The following RASA3 variants were observed in gnomAD, a reference collection of about 807,000 sequenced individuals.
RASA3 encodes the protein ras GTPase-activating protein 3.
In RASA3, 73 loss-of-function variants were observed where a neutral mutation model predicts 110.0. The observed-to-expected ratio is 0.66, with a 90% CI of 0.55 to 0.81. The LOEUF (loss-of-function observed/expected upper bound fraction) is 0.81. RASA3 is among the 30% of genes least tolerant of loss of function. The probability of loss-of-function intolerance (pLI) is 0.00; values close to 1 mark genes in which losing one functional copy is unlikely to be tolerated. For synonymous variants in RASA3, 500 were observed against 451.4 expected (o/e 1.11, Z -1.37); for missense variants, 976 against 1,113.2 (o/e 0.88, Z 1.75).
At position 114,073,571 on chromosome 13, in the gene RASA3, T is replaced by C. The variant is rs532972642; in HGVS notation, c.173+149A>G. On this transcript the variant is annotated intron_variant, in intron 2 of 23. Coordinates refer to ENST00000334062, the MANE Select transcript of RASA3 (RefSeq NM_007368.4). ...GGGACATTGTCTACGCACAGAAAAATTCCCTACATGCGGGAAAACGGGATG... is the reference window on the plus strand; with the variant it reads ...GGGACATTGTCTACGCACAGAAAAACTCCCTACATGCGGGAAAACGGGATG... 8.5e-6 allele frequency: 6 copies of C among 703,986 alleles called. No homozygotes were observed. In the Admixed American group the frequency reaches 1.1e-4, roughly 12 times the overall value. The allele number at this position is 703,986 out of a possible 1,614,324, so 43.6% of individuals were successfully genotyped here. A position where few individuals can be genotyped will look rare whatever the true frequency, so the allele number is the denominator to read the frequency against.
At position 113,979,238 on chromosome 13, in the gene RASA3, G is replaced by C. The variant is rs2139018264; in HGVS notation, c.*109C>G. 9.2e-7 allele frequency: 1 copy of C among 1,081,590 alleles called. No individual in the cohort carries two copies. Among genetic ancestry groups the C allele is most frequent in the East Asian group, 2.4e-5 (1 of 42,206 alleles). The allele number at this position is 1,081,590 out of a possible 1,614,324, so 67.0% of individuals were successfully genotyped here. The stretch of plus-strand genomic sequence containing the variant: ...CGCCACTTGTCTATGGGCCGGGACG[G>C]CGTGCATCTCACTTTGCCGGCTCTG... On this transcript the variant is annotated 3_prime_UTR_variant, in exon 24 of 24. Coordinates refer to ENST00000334062, the MANE Select transcript of RASA3 (RefSeq NM_007368.4).
At chr13:114,043,658 A>C (rs1229442729) in intron 3 of RASA3, among the ~76,000 whole-genome samples, 2 of 152,070 alleles carry the variant, frequency 1.3e-5, no homozygotes, top group African/African-American at 2.4e-5. Context: ...CAAATCAAGA[A>C]CCAAGGGGGC....
intron 2 of RASA3, among the ~76,000 whole-genome samples, chr13:114,069,296 C>T (rs1048097261): frequency 4.6e-5 from 7 of 151,772 alleles, no homozygotes; most frequent in African/African-American, 7.3e-5. Flanking sequence ...GCAGACCCAG[C>T]GGCCAGAGAG....
At chr13:114,016,079 C>T in intron 13 of RASA3, 118 bp downstream of exon 13, 1 of 855,382 alleles carries the variant, frequency 1.2e-6, no homozygotes, top group Non-Finnish European at 1.9e-6. Flanking sequence ...TATCCCCACG[C>T]CTGGTCCTGC....
intron 16 of RASA3, among the ~76,000 whole-genome samples, chr13:114,009,802 A>G (rs542070513): frequency 1.3e-5 from 2 of 152,318 alleles, no homozygotes; most frequent in Admixed American, 1.3e-4. Flanking sequence ...GCTGCCTGGG[A>G]ACCTGGAGTC....
Position 114,002,474 on chromosome 13 carries a change from G to C in RASA3, c.1743-1542C>G, listed in dbSNP as rs753067684. ...CAGGACCCAGTGGGATGCGCAGGGC[G>C]GGGCCTACACAGACGGGGGTTGGGG... On this transcript the variant is annotated intron_variant, in intron 18 of 23. Coordinates refer to ENST00000334062, the MANE Select transcript of RASA3 (RefSeq NM_007368.4). 3.3e-5 allele frequency among the ~76,000 whole-genome samples: 5 copies of C among 152,268 alleles called. No homozygotes were observed. The East Asian group carries it at 5.8e-4, about 18-fold the overall frequency.
chr13:114,107,915 C>CTGAG (rs1491463822), intron 1 of RASA3: 1 of 152,176 alleles, frequency 6.6e-6, no homozygotes, highest in East Asian at 1.9e-4. Flanking sequence ...GAGCCAGCCC[C>CTGAG]TGAGTGCCAC....
intron 1 of RASA3, among the ~76,000 whole-genome samples, chr13:114,125,816 C>T (rs2080439186): frequency 6.6e-6 from 1 of 152,116 alleles, no homozygotes; most frequent in Non-Finnish European, 1.5e-5. Flanking sequence ...TAAGACGAGA[C>T]GCGCTCAGTG....
intron 1 of RASA3, among the ~76,000 whole-genome samples, chr13:114,074,656 G>A (rs9525238): frequency 0.14 from 20,622 of 152,276 alleles, 1,792 homozygotes; most frequent in Middle Eastern, 0.21. Flanking sequence ...AAAGAGAAGC[G>A]TCCCAGAGGG....
At chr13:114,094,977 A>G (rs2079926264) in intron 1 of RASA3, among the ~76,000 whole-genome samples, 1 of 152,234 alleles carries the variant, frequency 6.6e-6, no homozygotes, top group Admixed American at 6.5e-5. Flanking sequence ...CAACAGAACC[A>G]TGCAGTATGT....
chr13:114,102,939 G>A (rs1176621663), intron 1 of RASA3, among the ~76,000 whole-genome samples: 2 of 151,016 alleles, frequency 1.3e-5, no homozygotes, highest in Non-Finnish European at 2.9e-5. Context: ...CCAGCCCCAG[G>A]CAGGTGGGCT....
intron 1 of RASA3, among the ~76,000 whole-genome samples, chr13:114,113,059 T>C (rs1306809355): frequency 6.6e-6 from 1 of 152,158 alleles, no homozygotes; most frequent in East Asian, 1.9e-4. Context: ...CTTTCCCGAC[T>C]TGGGGGCAGG....
At chr13:114,037,166 A>T (rs1001933986) in intron 4 of RASA3, among the ~76,000 whole-genome samples, 1 of 152,126 alleles carries the variant, frequency 6.6e-6, no homozygotes, top group African/African-American at 2.4e-5. Context: ...TGTGAGATCA[A>T]CCTGCGGCAT....
intron 4 of RASA3, among the ~76,000 whole-genome samples, chr13:114,039,969 C>T (rs545545643): frequency 5.9e-5 from 9 of 152,344 alleles, no homozygotes; most frequent in South Asian, 2.1e-4. Flanking sequence ...CTTGGTGCCG[C>T]GTGCCAGGCA....
At chr13:114,070,321 A>G (rs1488596185) in intron 2 of RASA3, among the ~76,000 whole-genome samples, 2 of 151,966 alleles carry the variant, frequency 1.3e-5, no homozygotes, top group Non-Finnish European at 2.9e-5. Flanking sequence ...TAAACTCCCC[A>G]GCATGTGGGG....
rs148357847 is a variant in RASA3 at position 114,051,952 on chromosome 13, C to T, written c.277+100G>A. The T allele has an allele frequency of 4.1e-4, 372 of 899,422 alleles. 3 individuals carry two copies. The African/African-American group carries it at 5.7e-3, about 14-fold the overall frequency. 55.7% of individuals were successfully genotyped at this position (899,422 alleles called of 1,614,324 possible). ...GCTGTGACCTCAAGCCCTGCAGCGACCCCTCAGCACCATCCAGCCAGGCTC... is the reference window on the plus strand; with the variant it reads ...GCTGTGACCTCAAGCCCTGCAGCGATCCCTCAGCACCATCCAGCCAGGCTC... On this transcript the variant is annotated intron_variant, in intron 3 of 23. Coordinates refer to ENST00000334062, the MANE Select transcript of RASA3 (RefSeq NM_007368.4).
chr13:114,030,007 C>T, intron 4 of RASA3, 120 bp from the exon 5 acceptor site: 1 of 851,010 alleles, frequency 1.2e-6, no homozygotes, highest in Non-Finnish European at 1.9e-6. Context: ...CCTGCCCTGG[C>T]CAATGGGCAC....
intron 1 of RASA3, among the ~76,000 whole-genome samples, chr13:114,078,525 G>T (rs1488183097): frequency 6.6e-6 from 1 of 152,196 alleles, no homozygotes; most frequent in East Asian, 1.9e-4. Context: ...AACATATGCG[G>T]TGTGTTCACC....
intron 1 of RASA3, among the ~76,000 whole-genome samples, chr13:114,089,909 C>A (rs1307939609): frequency 6.6e-6 from 1 of 152,062 alleles, no homozygotes; most frequent in Non-Finnish European, 1.5e-5. Flanking sequence ...GGTCCTTCCC[C>A]TTCTGTGCCT....
Sources: gnomAD v4.1 joint callset for allele counts (sites outside exome capture counted in the v4.1 genomes callset) on GRCh38, gnomAD v4.1.1 for gene constraint, MANE v1.5 for transcripts, NCBI Gene and HGNC (gene_info 2026-07-23, HGNC 2026-07-21) for gene names.